The following ABCC2 variants were observed in gnomAD, a reference collection of about 807,000 sequenced individuals.
ABCC2 encodes ATP-binding cassette sub-family C member 2.
In ABCC2, 157 loss-of-function variants were observed where a neutral mutation model predicts 173.4. That is an observed-to-expected ratio of 0.91 (90% CI 0.80 to 1.03). ABCC2 has a LOEUF of 1.03. ABCC2 is among the 50% of genes least tolerant of loss of function. The pLI, the probability that ABCC2 is intolerant of heterozygous loss-of-function variation, is 0.00. For missense variants in ABCC2, 1,822 were observed against 1,852.3 expected (o/e 0.98, Z 0.30); for synonymous variants, 657 against 693.5 (o/e 0.95, Z 0.83).
chr10:99,842,982 G>A (rs2038968378), intron 26 of ABCC2, among the ~76,000 whole-genome samples: 1 of 152,078 alleles, frequency 6.6e-6, no homozygotes, highest in Non-Finnish European at 1.5e-5. Context: ...GAACCCAGGA[G>A]GCAGAGGTTG....
At chr10:99,833,901 A>G (rs1426522660) in intron 23 of ABCC2, among the ~76,000 whole-genome samples, 1 of 152,142 alleles carries the variant, frequency 6.6e-6, no homozygotes, top group African/African-American at 2.4e-5. Flanking sequence ...TTATTTGTTC[A>G]TTTATTTCAC....
chr10:99,817,280 T>C, intron 16 of ABCC2, 28 bp from the exon 17 acceptor site: 1 of 1,613,532 alleles, frequency 6.2e-7, no homozygotes, highest in Non-Finnish European at 8.5e-7. Flanking sequence ...GGTGCAGCTG[T>C]AACATGATCT....
At chr10:99,834,913 G>A (rs569535605) in intron 24 of ABCC2, among the ~76,000 whole-genome samples, 2 of 152,218 alleles carry the variant, frequency 1.3e-5, no homozygotes, top group Admixed American at 1.3e-4. Flanking sequence ...ATGCTATGGT[G>A]CTTCCTTGGT....
intron 11 of ABCC2, among the ~76,000 whole-genome samples, chr10:99,807,144 A>T (rs1447753106): frequency 6.6e-6 from 1 of 152,278 alleles, no homozygotes; most frequent in Non-Finnish European, 1.5e-5. Context: ...CTTTAGTCCC[A>T]GGCAAACTGG....
intron 28 of ABCC2, 45 bp downstream of exon 28, chr10:99,844,510 A>C (rs1488487131): frequency 1.4e-5 from 23 of 1,606,576 alleles, no homozygotes; most frequent in Non-Finnish European, 2.0e-5. Flanking sequence ...CTTGTGATCA[A>C]ACAACAATTG....
chr10:99,832,731 G>T (rs1260561013), intron 23 of ABCC2, among the ~76,000 whole-genome samples: 1 of 152,218 alleles, frequency 6.6e-6, no homozygotes, highest in South Asian at 2.1e-4. Context: ...CTATGGAATA[G>T]AGCCATCAGT....
chr10:99,815,586 A>G (rs1327728230), intron 16 of ABCC2, among the ~76,000 whole-genome samples: 1 of 152,158 alleles, frequency 6.6e-6, no homozygotes, highest in African/African-American at 2.4e-5. Context: ...TTTAGGGAAA[A>G]TTATAGTTAT....
Position 99,792,793 on chromosome 10 carries a change from G to C in ABCC2, c.333+434G>C, listed in dbSNP as rs74152761. ...TGTCTCTCTTGCAGGCATTTTTTCA[G>C]GGGGTGGGGCCTAGACAGTGTTTAA... On this transcript the variant is annotated intron_variant, in intron 3 of 31. Coordinates refer to ENST00000647814, the MANE Select transcript of ABCC2 (RefSeq NM_000392.5). 1.2e-3 allele frequency among the ~76,000 whole-genome samples: 179 copies of C among 152,270 alleles called. 1 individual carries two copies. Among genetic ancestry groups the C allele is most frequent in the African/African-American group, 4.2e-3 (175 of 41,548 alleles).
At position 99,791,909 on chromosome 10, in the gene ABCC2, A is replaced by G. The variant is rs1236499682; in HGVS notation, c.208-325A>G. 2.0e-5 allele frequency among the ~76,000 whole-genome samples: 3 copies of G among 152,250 alleles called. No homozygotes were observed. The East Asian group carries it at 5.8e-4, about 29-fold the overall frequency. ...CACGCTGTCACTTCTGCCATTTTCT[A>G]TTCACCAGAAGTACATCCCTAAGTC... On this transcript the variant is annotated intron_variant, in intron 2 of 31. Coordinates refer to ENST00000647814, the MANE Select transcript of ABCC2 (RefSeq NM_000392.5).
chr10:99,806,077 C>CTG (rs10559742), intron 11 of ABCC2, among the ~76,000 whole-genome samples: 82 of 148,148 alleles, frequency 5.5e-4, no homozygotes, highest in Middle Eastern at 3.5e-3. Flanking sequence ...CTCTCTCTGT[C>CTG]TGTGTGTGTG....
chr10:99,784,727 G>T lies in ABCC2; in HGVS notation c.153G>T (p.Val51=), dbSNP rs1281041688. ...TGGCCCCCTGGCAGCTTCTCCACGT[G>T]TATAAATCCAGGACCAAGAGATCCT... ...WLLAPWQLLH[V]YKSRTKRSST... is the part of the protein sequence containing the mutation. Residue 51 remains valine, a synonymous_variant, in exon 2 of 32, where the codon GTG becomes GTT. Coordinates refer to ENST00000647814, the MANE Select transcript of ABCC2 (RefSeq NM_000392.5). 6.2e-7 allele frequency: 1 copy of T among 1,614,154 alleles called. No homozygotes were observed. Among genetic ancestry groups the T allele is most frequent in the Admixed American group, 1.7e-5 (1 of 60,030 alleles).
At position 99,847,197 on chromosome 10, in the gene ABCC2, C is replaced by T. The variant is rs1321113165; in HGVS notation, c.4313+70C>T. ...TGAGGGGGCCACTCCTCGTGTTCCT[C>T]GTGTTAGGTGATGCCTGGCATAGAA... is the stretch of plus-strand genomic sequence containing the variant. On this transcript the variant is annotated intron_variant, in intron 30 of 31. Coordinates refer to ENST00000647814, the MANE Select transcript of ABCC2 (RefSeq NM_000392.5). 5.1e-6 allele frequency: 8 copies of T among 1,554,516 alleles called. No homozygotes were observed. The South Asian group carries it at 6.7e-5, about 13-fold the overall frequency.
Position 99,792,277 on chromosome 10 carries a change from C to G in ABCC2, c.251C>G (p.Ala84Gly), listed in dbSNP as rs1484538477. 1 of 1,614,106 alleles carries G rather than the reference C, an allele frequency of 6.2e-7. No homozygotes were observed. Among genetic ancestry groups the G allele is most frequent in the Non-Finnish European group, 8.5e-7 (1 of 1,179,972 alleles). ...FLLILAAIEL[A>G]LVLTEDSGQA... ...CTTATTCTAGCAGCCATAGAGCTGG[C>G]CCTTGTACTCACAGAAGACTCTGGA... is the stretch of plus-strand genomic sequence containing the variant. Residue 84 changes from alanine to glycine, a missense_variant, in exon 3 of 32, where the codon GCC becomes GGC. Coordinates refer to ENST00000647814, the MANE Select transcript of ABCC2 (RefSeq NM_000392.5).
chr10:99,836,319 G>A, intron 25 of ABCC2, 29 bp downstream of exon 25: 1 of 1,612,220 alleles, frequency 6.2e-7, no homozygotes, highest in Non-Finnish European at 8.5e-7. Context: ...ATTTACCCAT[G>A]TGTGTACTTT....
At chr10:99,835,609 C>T (rs2038807966) in intron 24 of ABCC2, among the ~76,000 whole-genome samples, 1 of 152,056 alleles carries the variant, frequency 6.6e-6, no homozygotes, top group African/African-American at 2.4e-5. Flanking sequence ...CAGTTTTGGT[C>T]ACTTAATTGA....
Position 99,850,592 on chromosome 10 carries a change from T to A in ABCC2, c.4314-10T>A. 3.1e-6 allele frequency: 5 copies of A among 1,614,032 alleles called. No individual in the cohort carries two copies. Among genetic ancestry groups the A allele is most frequent in the Non-Finnish European group, 4.2e-6 (5 of 1,179,940 alleles). On this transcript the variant is annotated splice_polypyrimidine_tract_variant and intron_variant, in intron 30 of 31. Transcript: ENST00000647814. ...AGGAGCTAACACATGGTTGCTTCTA[T>A]TGGCTGCAGCATAGGCCAGAGGCAG... is the stretch of plus-strand genomic sequence containing the variant.
rs2039097564 is a variant in ABCC2 at position 99,852,394 on chromosome 10, GGGAT to G, written c.*765_*768del. Among the ~76,000 whole-genome samples the G allele has an allele frequency of 6.6e-6, 1 of 152,100 alleles. No individual in the cohort carries two copies. Among genetic ancestry groups the G allele is most frequent in the African/African-American group, 2.4e-5 (1 of 41,418 alleles). ...ATTTGCATTTCCCTAGTATCTATTG[GGGAT>G]GAATATATTTTCATGTTTCTGGGGC... is the stretch of plus-strand genomic sequence containing the variant. On this transcript the variant is annotated 3_prime_UTR_variant, in exon 32 of 32. Transcript: ENST00000647814.
chr10:99,830,812 A>G lies in ABCC2; in HGVS notation c.2844A>G (p.Gly948=). ...AGGAAGACGAAGAACTAGTGAAAGG[A>G]CAAAAACTAATTAAGAAGGAATTCA... ...SLKEDEELVK[G]QKLIKKEFIE... Residue 948 remains glycine, a synonymous_variant, in exon 21 of 32, where the codon GGA becomes GGG. Transcript: ENST00000647814. 1 of 1,614,156 alleles carries G rather than the reference A, an allele frequency of 6.2e-7. No individual in the cohort carries two copies. Among genetic ancestry groups the G allele is most frequent in the Non-Finnish European group, 8.5e-7 (1 of 1,180,010 alleles).
At chr10:99,825,828 T>C (rs1398603683) in intron 19 of ABCC2, among the ~76,000 whole-genome samples, 2 of 152,188 alleles carry the variant, frequency 1.3e-5, no homozygotes, top group African/African-American at 4.8e-5. Flanking sequence ...ACTGCTGCAC[T>C]GCCGCTCGTG....
Sources: allele counts gnomAD v4.1 joint callset (sites outside exome capture counted in the v4.1 genomes callset), GRCh38; gene constraint gnomAD v4.1.1; transcripts MANE v1.5; gene names NCBI Gene and HGNC (gene_info 2026-07-23, HGNC 2026-07-21).